MPZL1: variants seen among roughly 807,000 people sequenced by gnomAD.
MPZL1 encodes myelin protein zero like 1.
MPZL1 carries 16 observed loss-of-function variants against 29.3 expected under a neutral mutation model. That is an observed-to-expected ratio of 0.55 (90% CI 0.37 to 0.83). MPZL1 has a LOEUF of 0.83. MPZL1 is among the 40% of genes least tolerant of loss of function. The pLI is 0.00. For synonymous variants in MPZL1, 143 were observed against 132.0 expected, an observed-to-expected ratio of 1.08 and a Z score of -0.57; for missense variants, 279 against 332.9, an observed-to-expected ratio of 0.84 and a Z score of 1.26.
In MPZL1 at chr1:167,787,922, G is replaced by C. The variant is rs1661622673; in HGVS notation, c.*1G>C. On this transcript the variant is annotated 3_prime_UTR_variant, in exon 6 of 6. Coordinates refer to ENST00000359523, the MANE Select transcript of MPZL1 (RefSeq NM_003953.6). ...GTATGCGGATATCCGAAAGAATTAA[G>C]AGAATACCTAGAACATATCCTCAGC... The C allele has an allele frequency of 1.2e-6, 2 of 1,602,748 alleles. No individual in the cohort carries two copies. Among genetic ancestry groups the C allele is most frequent in the African/African-American group, 2.7e-5 (2 of 74,684 alleles).
At chr1:167,762,408 G>C (rs1439103729) in intron 1 of MPZL1, among the ~76,000 whole-genome samples, 3 of 152,204 alleles carry the variant, frequency 2.0e-5, no homozygotes, top group Admixed American at 6.5e-5. Context: ...AGCCAAGGTA[G>C]GCTCAGAGAC....
At chr1:167,767,454 C>G (rs534378738) in intron 2 of MPZL1, among the ~76,000 whole-genome samples, 1 of 152,050 alleles carries the variant, frequency 6.6e-6, no homozygotes, top group East Asian at 1.9e-4. Context: ...TCGTGTAGGT[C>G]CATGAAGGTT....
Position 167,789,625 on chromosome 1 carries a change from A to G in MPZL1, c.*1704A>G, listed in dbSNP as rs1016987236. ...GAAGCCTTTTGTTTTTTGAGGAGCT[A>G]TTTTTGTTATTCTTGTAACGCTCCA... On this transcript the variant is annotated 3_prime_UTR_variant, in exon 6 of 6. Coordinates refer to ENST00000359523, the MANE Select transcript of MPZL1 (RefSeq NM_003953.6). 26 of 152,282 alleles carry G rather than the reference A, an allele frequency of 1.7e-4. No homozygotes were observed. The highest frequency in any genetic ancestry group is 5.8e-4 in the African/African-American group (24 of 41,566). The allele number at this position is 152,282 out of a possible 1,614,324, so 9.4% of individuals were successfully genotyped here.
intron 1 of MPZL1, among the ~76,000 whole-genome samples, chr1:167,741,399 C>G (rs1660522406): frequency 7.0e-6 from 1 of 143,204 alleles, no homozygotes; most frequent in Admixed American, 7.2e-5. Flanking sequence ...GATCTCAGCT[C>G]ACTGCAACCT....
In MPZL1 at chr1:167,750,482, G is replaced by A. The variant is rs139712886; in HGVS notation, c.92-15101G>A. ...CTCCCAAAATGCTGGGATTAAAGGC[G>A]TGAGCCACCGTGCCTGGCCCACCCA... On this transcript the variant is annotated intron_variant, in intron 1 of 5. Transcript: ENST00000359523. Among the ~76,000 whole-genome samples, 57 of 152,176 alleles carry A rather than the reference G, an allele frequency of 3.7e-4. No individual in the cohort carries two copies. In the East Asian group the frequency reaches 7.4e-3, roughly 20 times the overall value.
intron 2 of MPZL1, among the ~76,000 whole-genome samples, chr1:167,767,168 G>A (rs1661131575): frequency 6.6e-6 from 1 of 152,164 alleles, no homozygotes; most frequent in African/African-American, 2.4e-5. Flanking sequence ...CCTTACAGTA[G>A]CCATAAGGGT....
intron 1 of MPZL1, among the ~76,000 whole-genome samples, chr1:167,753,177 A>G (rs1231813968): frequency 6.6e-6 from 1 of 152,140 alleles, no homozygotes; most frequent in Admixed American, 6.5e-5. Flanking sequence ...GAAATTCTGT[A>G]AGCTTTCAGA....
At chr1:167,778,848 A>G (rs962772148) in intron 5 of MPZL1, among the ~76,000 whole-genome samples, 10 of 152,160 alleles carry the variant, frequency 6.6e-5, no homozygotes, top group African/African-American at 2.4e-4. Flanking sequence ...AAAAAGGTCA[A>G]TCAACTTGAA....
chr1:167,758,451 AAAT>A (rs1660915598), intron 1 of MPZL1, among the ~76,000 whole-genome samples: 1 of 152,202 alleles, frequency 6.6e-6, no homozygotes. Context: ...TCATGTCAGG[AAAT>A]AGACTCTTAG....
chr1:167,739,733 C>T (rs1162487884), intron 1 of MPZL1, among the ~76,000 whole-genome samples: 4 of 151,948 alleles, frequency 2.6e-5, no homozygotes, highest in African/African-American at 9.7e-5. Context: ...CTGGATTTGC[C>T]CCCTCATTTG....
At chr1:167,739,282 C>CATATATATATATATATATAT (rs71959233) in intron 1 of MPZL1, among the ~76,000 whole-genome samples, 70 of 90,348 alleles carry the variant, frequency 7.7e-4, no homozygotes, top group African/African-American at 1.6e-3. Context: ...TACATATATA[C>CATATATATATATATATATAT]ATATATATAT....
intron 1 of MPZL1, among the ~76,000 whole-genome samples, chr1:167,723,140 G>A (rs1660074601): frequency 6.6e-6 from 1 of 152,216 alleles, no homozygotes; most frequent in African/African-American, 2.4e-5. Flanking sequence ...ACTTGTTGCT[G>A]TCTCCGAATT....
chr1:167,728,164 C>T (rs1024993323), intron 1 of MPZL1, among the ~76,000 whole-genome samples: 22 of 151,454 alleles, frequency 1.5e-4, no homozygotes, highest in Admixed American at 2.6e-4. Flanking sequence ...CTCAGCCTGC[C>T]GAGTAGCTGG....
chr1:167,730,188 C>T (rs1175800355), intron 1 of MPZL1, among the ~76,000 whole-genome samples: 3 of 152,184 alleles, frequency 2.0e-5, no homozygotes, highest in Non-Finnish European at 4.4e-5. Flanking sequence ...TGAAGCCATC[C>T]TCACCAATCA....
rs1438699598 is a variant in MPZL1 at position 167,772,379 on chromosome 1, C to T, written c.363C>T (p.Asn121=). 5 of 1,613,774 alleles carry T rather than the reference C, an allele frequency of 3.1e-6. No homozygotes were observed. The African/African-American group carries it at 4.0e-5, about 13-fold the overall frequency. ...TTGACAAGAAAGATGCATCAATCAA[C>T]ATAGAAAATATGCAGTTTATACACA... The part of the protein sequence containing the change: ...GDLDKKDASI[N]IENMQFIHNG... The change falls in exon 3 of 6, where the codon AAC becomes AAT. Residue 121 remains asparagine (N), a synonymous_variant. Transcript: ENST00000359523.
intron 1 of MPZL1, among the ~76,000 whole-genome samples, chr1:167,754,600 C>A (rs1571151516): frequency 6.6e-6 from 1 of 152,190 alleles, no homozygotes; most frequent in South Asian, 2.1e-4. Flanking sequence ...TGCATGTGCA[C>A]TAATAATGTA....
Position 167,722,181 on chromosome 1 carries a change from G to T in MPZL1, c.30G>T (p.Val10=). Residue 10 remains valine (V), a synonymous_variant, in exon 1 of 6, where the codon GTG becomes GTT. Transcript: ENST00000359523. The part of the protein sequence containing the change: MAASAGAGA[V]IAAPDSRRWL... ...CAGCGTCCGCCGGAGCCGGGGCGGT[G>T]ATTGCAGCCCCAGACAGCCGGCGCT... 3 of 1,238,148 alleles carry T rather than the reference G, an allele frequency of 2.4e-6. No homozygotes were observed. Among genetic ancestry groups the T allele is most frequent in the Non-Finnish European group, 3.0e-6 (3 of 988,364 alleles). 76.7% of individuals were successfully genotyped at this position (1,238,148 alleles called of 1,614,324 possible).
rs1258041456 is a variant in MPZL1, at chr1:167,773,295, G to A, written c.532G>A (p.Gly178Ser). The A allele has an allele frequency of 6.2e-7, 1 of 1,613,640 alleles. No homozygotes were observed. The highest frequency in any genetic ancestry group is 8.5e-7 in the Non-Finnish European group (1 of 1,179,602). ...VVGIVTAVVLGLTLLISMILA... is the reference protein window; with the variant it reads ...VVGIVTAVVLSLTLLISMILA... ...GGGCATAGTTACTGCTGTGGTCCTA[G>A]GTCTCACTCTGCTCATCAGCATGAT... is the stretch of plus-strand genomic sequence containing the variant. Residue 178 changes from glycine to serine, a missense_variant, in exon 4 of 6, where the codon GGT becomes AGT. By Grantham distance (56) the Gly-to-Ser change is moderately conservative (BLOSUM62 0). Coordinates refer to ENST00000359523, the MANE Select transcript of MPZL1 (RefSeq NM_003953.6).
intron 1 of MPZL1, among the ~76,000 whole-genome samples, chr1:167,733,216 C>T (rs1324906533): frequency 6.6e-6 from 1 of 152,202 alleles, no homozygotes; most frequent in African/African-American, 2.4e-5. Flanking sequence ...TCCAGCTGTG[C>T]CTTGACTCTG....
Sources: gnomAD v4.1 joint callset for allele counts (sites outside exome capture counted in the v4.1 genomes callset) on GRCh38, gnomAD v4.1.1 for gene constraint, MANE v1.5 for transcripts, NCBI Gene and HGNC (gene_info 2026-07-23, HGNC 2026-07-21) for gene names.